ADGRL3: variants seen among roughly 807,000 people sequenced by gnomAD.
ADGRL3 encodes the protein calcium-independent alpha-latrotoxin receptor 3.
ADGRL3 carries 62 observed loss-of-function variants against 153.5 expected under a neutral mutation model. The ratio of observed to expected loss-of-function variants is 0.40; its 90% CI spans 0.33 to 0.50. ADGRL3 has a LOEUF of 0.50. Among genes scored for constraint, ADGRL3 ranks in the 20% least tolerant of loss-of-function variants. The pLI, the probability that ADGRL3 is intolerant of heterozygous loss-of-function variation, is 0.47. For missense variants in ADGRL3, 1,641 were observed against 1,859.4 expected, an observed-to-expected ratio of 0.88 and a Z score of 2.16; for synonymous variants, 710 against 672.5, an observed-to-expected ratio of 1.06 and a Z score of -0.86.
At chr4:61,275,186 G>T (rs2093402321) in intron 1 of ADGRL3, among the ~76,000 whole-genome samples, 1 of 152,092 alleles carries the variant, frequency 6.6e-6, no homozygotes, top group African/African-American at 2.4e-5. Context: ...TTTCTTGGCT[G>T]TCAATGTTGT....
chr4:61,722,868 C>A (rs1310303825), intron 6 of ADGRL3, among the ~76,000 whole-genome samples: 1 of 152,106 alleles, frequency 6.6e-6, no homozygotes, highest in African/African-American at 2.4e-5. Context: ...ATCTAACATA[C>A]TTTCAGCCTC....
intron 17 of ADGRL3, among the ~76,000 whole-genome samples, chr4:61,971,727 T>C (rs536484821): frequency 2.8e-4 from 43 of 152,230 alleles, no homozygotes; most frequent in Admixed American, 5.9e-4. Context: ...CCTGAGGAAT[T>C]GCCACACTGA....
intron 5 of ADGRL3, among the ~76,000 whole-genome samples, chr4:61,615,417 AAAG>A (rs2091884821): frequency 6.6e-6 from 1 of 152,118 alleles, no homozygotes; most frequent in South Asian, 2.1e-4. Context: ...CTGTGAGAAT[AAAG>A]AAGAAAAACG....
At chr4:61,241,756 G>A (rs1222093868) in intron 1 of ADGRL3, among the ~76,000 whole-genome samples, 1 of 151,856 alleles carries the variant, frequency 6.6e-6, no homozygotes. Context: ...AGACACCACT[G>A]ACTCTTATTA....
chr4:61,256,267 C>A (rs1369172288), intron 1 of ADGRL3, among the ~76,000 whole-genome samples: 3 of 151,900 alleles, frequency 2.0e-5, no homozygotes, highest in African/African-American at 7.3e-5. Context: ...TCATTTTTTT[C>A]TTTATCCTTT....
chr4:61,724,748 A>G (rs1168585033), intron 6 of ADGRL3, among the ~76,000 whole-genome samples: 1 of 152,234 alleles, frequency 6.6e-6, no homozygotes, highest in African/African-American at 2.4e-5. Flanking sequence ...AATATACCAA[A>G]AAATTGAATG....
chr4:61,412,744 G>A (rs2097102582), intron 2 of ADGRL3, among the ~76,000 whole-genome samples: 2 of 152,050 alleles, frequency 1.3e-5, no homozygotes, highest in African/African-American at 4.8e-5. Context: ...ATAGGTTATT[G>A]TGTATTTTCC....
At chr4:61,654,896 CAAAAAGA>C (rs2094398308) in intron 5 of ADGRL3, among the ~76,000 whole-genome samples, 1 of 151,486 alleles carries the variant, frequency 6.6e-6, no homozygotes, top group Non-Finnish European at 1.5e-5. Context: ...GACTCCATCT[CAAAAAGA>C]AAAAAGAAAA....
intron 9 of ADGRL3, among the ~76,000 whole-genome samples, chr4:61,882,808 C>G (rs1392493801): frequency 6.6e-6 from 1 of 152,152 alleles, no homozygotes; most frequent in African/African-American, 2.4e-5. Context: ...ATGCTTGACA[C>G]CCACTTAATA....
At chr4:61,845,190 T>C (rs558634719) in intron 9 of ADGRL3, among the ~76,000 whole-genome samples, 2 of 152,288 alleles carry the variant, frequency 1.3e-5, no homozygotes, top group African/African-American at 4.8e-5. Flanking sequence ...ACAAAATGTT[T>C]TGGAATGCCC....
intron 8 of ADGRL3, among the ~76,000 whole-genome samples, chr4:61,736,766 T>A (rs890210767): frequency 1.3e-5 from 2 of 152,194 alleles, no homozygotes; most frequent in African/African-American, 4.8e-5. Context: ...AGATTGAATT[T>A]CATTCCTTTT....
chr4:61,958,269 T>C (rs1462007897), intron 17 of ADGRL3, among the ~76,000 whole-genome samples: 1 of 152,168 alleles, frequency 6.6e-6, no homozygotes, highest in African/African-American at 2.4e-5. Flanking sequence ...AGAAAAACCA[T>C]GTTATATGGT....
intron 2 of ADGRL3, among the ~76,000 whole-genome samples, chr4:61,434,717 G>T (rs2097422817): frequency 1.3e-5 from 2 of 151,948 alleles, no homozygotes. Context: ...TTTAGCTTTT[G>T]ATTCATTGAA....
chr4:61,456,374 T>TATAG (rs1459697204), intron 2 of ADGRL3, among the ~76,000 whole-genome samples: 1 of 134,696 alleles, frequency 7.4e-6, no homozygotes, highest in East Asian at 2.0e-4. Flanking sequence ...TATAGATATA[T>TATAG]CTATATATAT....
intron 2 of ADGRL3, among the ~76,000 whole-genome samples, chr4:61,417,666 A>T: frequency 6.6e-6 from 1 of 150,676 alleles, no homozygotes; most frequent in Non-Finnish European, 1.5e-5. Context: ...GTTTAATAAA[A>T]TAATAATCGA....
intron 8 of ADGRL3, among the ~76,000 whole-genome samples, chr4:61,757,438 T>C (rs954569181): frequency 4.6e-5 from 7 of 152,210 alleles, no homozygotes; most frequent in African/African-American, 1.2e-4. Flanking sequence ...CTGATGATAG[T>C]TTGTATTTCT....
intron 5 of ADGRL3, among the ~76,000 whole-genome samples, chr4:61,607,193 G>C (rs2099035648): frequency 6.6e-6 from 1 of 152,144 alleles, no homozygotes; most frequent in Non-Finnish European, 1.5e-5. Flanking sequence ...AACACTCCCA[G>C]TGTATCAAGT....
In ADGRL3 at chr4:61,929,536, A is replaced by G. The variant is rs539857745; in HGVS notation, c.2113-5304A>G. On this transcript the variant is annotated intron_variant, in intron 13 of 26. Transcript: ENST00000683033. ...TAATAACTTCAGAGATTTTTATTTT[A>G]GCTGATATGAAAATGGAGAAAACTG... is the stretch of plus-strand genomic sequence containing the variant. Among the ~76,000 whole-genome samples, 22 of 152,266 alleles carry G rather than the reference A, an allele frequency of 1.4e-4. No individual in the cohort carries two copies. In the East Asian group the frequency reaches 2.5e-3, roughly 17 times the overall value.
chr4:61,208,583 A>G (rs1257805046), intron 1 of ADGRL3, among the ~76,000 whole-genome samples: 1 of 152,134 alleles, frequency 6.6e-6, no homozygotes, highest in Non-Finnish European at 1.5e-5. Context: ...TTAAAATTTC[A>G]TATAAAAGAT....
Sources: gnomAD v4.1 joint callset for allele counts (sites outside exome capture counted in the v4.1 genomes callset) on GRCh38, gnomAD v4.1.1 for gene constraint, MANE v1.5 for transcripts, NCBI Gene and HGNC (gene_info 2026-07-23, HGNC 2026-07-21) for gene names.